Variants in WDR11 observed in about 807,000 individuals in gnomAD.
The protein encoded by WDR11 is WD repeat-containing protein 11.
Under a neutral mutation model 151.2 loss-of-function variants are expected in WDR11, and 83 were observed. That is an observed-to-expected ratio of 0.55 (90% CI 0.46 to 0.66). The LOEUF (loss-of-function observed/expected upper bound fraction) is 0.66. WDR11 is among the 30% of genes least tolerant of loss of function. The pLI is 0.00. For synonymous variants in WDR11, 484 were observed against 533.1 expected (o/e 0.91, Z 1.27); for missense variants, 1,301 against 1,480.9 (o/e 0.88, Z 1.99).
chr10:120,875,981 T>TTC (rs1846766845), intron 11 of WDR11, among the ~76,000 whole-genome samples: 2 of 146,462 alleles, frequency 1.4e-5, no homozygotes, highest in Admixed American at 1.4e-4. Context: ...TTTTTTTCTT[T>TTC]TTTTTTTTTT....
chr10:120,882,543 TG>T lies in WDR11; in HGVS notation c.1740-1236del, dbSNP rs1480338388. On this transcript the variant is annotated intron_variant, in intron 13 of 28. Coordinates refer to ENST00000263461, the MANE Select transcript of WDR11 (RefSeq NM_018117.12). ...AAGTTTTTAAATACAAATTCAGTTT[TG>T]TTTTTTTTTTTCATAAATATAGGAC... is the stretch of plus-strand genomic sequence containing the variant. Among the ~76,000 whole-genome samples, 10 of 124,314 alleles carry T rather than the reference TG, an allele frequency of 8.0e-5. No individual in the cohort carries two copies. The East Asian group carries it at 2.0e-3, about 24-fold the overall frequency. The allele number at this position is 124,314 out of a possible 152,430, so 81.6% of individuals were successfully genotyped here.
Position 120,889,893 on chromosome 10 carries a change from A to G in WDR11, c.2229-2A>G. On this transcript the variant is annotated splice_acceptor_variant, in intron 17 of 28. Coordinates refer to ENST00000263461, the MANE Select transcript of WDR11 (RefSeq NM_018117.12). LOFTEE classifies it high-confidence loss of function. The stretch of plus-strand genomic sequence containing the variant: ...TTGATGTTTTTGTTTCTTTGTCTTC[A>G]GAGGAATACCCACACACCGAAGTTG... The G allele has an allele frequency of 1.2e-6, 2 of 1,609,726 alleles. No individual in the cohort carries two copies. The highest frequency in any genetic ancestry group is 1.7e-6 in the Non-Finnish European group (2 of 1,176,054).
chr10:120,870,385 T>C (rs1331942575), intron 9 of WDR11, among the ~76,000 whole-genome samples: 2 of 152,198 alleles, frequency 1.3e-5, no homozygotes, highest in Non-Finnish European at 2.9e-5. Context: ...CCCAATATTC[T>C]GTAGTGGTTT....
At position 120,908,690 on chromosome 10, in the gene WDR11, A is replaced by AAGGAAGAACCCATTGAAGAGTG; in HGVS notation, c.3654_3675dup. ...CTTATTGAATGAGCTTGAGTCCCCC[A>AAGGAAGAACCCATTGAAGAGTG]AGGAAGAACCCATTGAAGAGTGACA... is the stretch of plus-strand genomic sequence containing the variant. On this transcript the variant is annotated stop_gained and frameshift_variant, in exon 29 of 29. Coordinates refer to ENST00000263461, the MANE Select transcript of WDR11 (RefSeq NM_018117.12). LOFTEE classifies it high-confidence loss of function. 6.2e-7 allele frequency: 1 copy of AAGGAAGAACCCATTGAAGAGTG among 1,614,186 alleles called. No homozygotes were observed. The highest frequency in any genetic ancestry group is 2.2e-5 in the East Asian group (1 of 44,880).
At chr10:120,880,621 T>G (rs746124372) in intron 12 of WDR11, 51 of 513,032 alleles carry the variant, frequency 9.9e-5, no homozygotes, top group Non-Finnish European at 1.7e-4. Flanking sequence ...ATTGCGCCAT[T>G]GCACTCCAGC....
Position 120,904,033 on chromosome 10 carries a change from T to C in WDR11, c.2932-14T>C. 1 of 1,579,250 alleles carries C rather than the reference T, an allele frequency of 6.3e-7. No homozygotes were observed. Among genetic ancestry groups the C allele is most frequent in the Non-Finnish European group, 8.7e-7 (1 of 1,149,630 alleles). On this transcript the variant is annotated splice_polypyrimidine_tract_variant and intron_variant, in intron 23 of 28. Transcript: ENST00000263461. ...ATAATCCAGGCTTAATTTTTCTTTT[T>C]TTTCCAATTCTAGAAATTTCAGCTA...
chr10:120,851,923 G>T, intron 1 of WDR11: 1 of 275,314 alleles, frequency 3.6e-6, no homozygotes, highest in South Asian at 4.0e-5. Flanking sequence ...CAGACCCTGT[G>T]CTAGGCGCCT....
rs61761619 is a variant in WDR11 at position 120,878,412 on chromosome 10, A to G, written c.1616A>G (p.Asn539Ser). ...TCTTTTGCTACCTCAACACCAAACA[A>G]TATGGGATTAGTGAGAAATGAACTT... ...FLSFATSTPNNMGLVRNELQL... is the reference protein window; with the variant it reads ...FLSFATSTPNSMGLVRNELQL... Residue 539 changes from asparagine (N) to serine (S), a missense_variant, in exon 12 of 29, where the codon AAT becomes AGT. Asn to Ser is a conservative substitution (Grantham distance 46). Coordinates refer to ENST00000263461, the MANE Select transcript of WDR11 (RefSeq NM_018117.12). 8 of 1,613,204 alleles carry G rather than the reference A, an allele frequency of 5.0e-6. No homozygotes were observed. Among genetic ancestry groups the G allele is most frequent in the Non-Finnish European group, 6.8e-6 (8 of 1,179,564 alleles).
intron 2 of WDR11, among the ~76,000 whole-genome samples, chr10:120,854,860 G>A (rs1024578351): frequency 1.3e-5 from 2 of 152,080 alleles, no homozygotes; most frequent in African/African-American, 2.4e-5. Flanking sequence ...TTTTATAATT[G>A]AGTCGTAAGA....
At chr10:120,869,619 G>A (rs1846456095) in intron 9 of WDR11, among the ~76,000 whole-genome samples, 1 of 152,010 alleles carries the variant, frequency 6.6e-6, no homozygotes, top group African/African-American at 2.4e-5. Context: ...ATATTCACTG[G>A]ATAAATGCTG....
At chr10:120,871,872 A>G (rs1846556228) in intron 10 of WDR11, among the ~76,000 whole-genome samples, 1 of 152,182 alleles carries the variant, frequency 6.6e-6, no homozygotes, top group Admixed American at 6.5e-5. Context: ...ATAGGTAGAA[A>G]AATTTATCTG....
chr10:120,908,956 A>G lies in WDR11; in HGVS notation c.*243A>G, dbSNP rs539267206. ...AGATTTTGAAAGTACATAATATTTT[A>G]TACTTTGGGAGAGAGCTTTAAGAGT... is the stretch of plus-strand genomic sequence containing the variant. On this transcript the variant is annotated 3_prime_UTR_variant, in exon 29 of 29. Coordinates refer to ENST00000263461, the MANE Select transcript of WDR11 (RefSeq NM_018117.12). 132 of 530,966 alleles carry G rather than the reference A, an allele frequency of 2.5e-4. No homozygotes were observed. Among genetic ancestry groups the G allele is most frequent in the African/African-American group, 2.1e-3 (113 of 52,660 alleles). 32.9% of individuals were successfully genotyped at this position (530,966 alleles called of 1,614,324 possible).
At position 120,900,113 on chromosome 10, in the gene WDR11, A is replaced by G. The variant is rs199965409; in HGVS notation, c.2600A>G (p.Gln867Arg). 2.5e-4 allele frequency: 411 copies of G among 1,613,744 alleles called. 3 individuals are homozygous for G. The highest frequency in any genetic ancestry group is 3.6e-5 in the Non-Finnish European group (43 of 1,179,644). The change falls in exon 20 of 29, where the codon CAG (glutamine) becomes CGG (arginine). Residue 867 changes from glutamine (Q) to arginine (R), a missense_variant. Gln to Arg is a conservative substitution (Grantham distance 43). Around this residue, in one of 3 missense-constraint regions of WDR11, gnomAD observed 589 missense variants for 670.6 expected, o/e 0.88. Transcript: ENST00000263461. The part of the protein sequence containing the change: ...AFLLHQPWNG[Q>R]YSLDISHVDY... ...TTATTACACCAGCCTTGGAATGGAC[A>G]GTATTCTTTGGACATTTCTCATGTG...
intron 28 of WDR11, chr10:120,908,213 A>C: frequency 3.1e-6 from 1 of 324,994 alleles, no homozygotes; most frequent in Non-Finnish European, 6.0e-6. Flanking sequence ...TGGAATGAGG[A>C]TATGCAGGTT....
chr10:120,865,633 ATACCC>A lies in WDR11; in HGVS notation c.885_889del (p.Ile295MetfsTer5), dbSNP rs779942278. On this transcript the variant is annotated frameshift_variant, in exon 7 of 29. Coordinates refer to ENST00000263461, the MANE Select transcript of WDR11 (RefSeq NM_018117.12). LOFTEE classifies it high-confidence loss of function. ...TAAATATATCATCTATTTAAAGGTA[ATACCC>A]TGCTTTCAGCGTGATGGTTTATTTT... 1.2e-6 allele frequency: 2 copies of A among 1,601,394 alleles called. No individual in the cohort carries two copies. The highest frequency in any genetic ancestry group is 4.5e-4 in the Middle Eastern group (2 of 4,430).
At chr10:120,875,497 T>C (rs988930083) in intron 11 of WDR11, among the ~76,000 whole-genome samples, 1 of 152,200 alleles carries the variant, frequency 6.6e-6, no homozygotes, top group Non-Finnish European at 1.5e-5. Flanking sequence ...ATATAAAATA[T>C]GAATTTCCAC....
At chr10:120,874,203 TTGTTGTTTG>T (rs1394945814) in intron 11 of WDR11, among the ~76,000 whole-genome samples, 5 of 87,092 alleles carry the variant, frequency 5.7e-5, no homozygotes, top group Admixed American at 4.4e-4. Flanking sequence ...GTTGTTGTTG[TTGTTGTTTG>T]TTTTGTTTTG....
chr10:120,874,190 T>TTTTTTTG lies in WDR11; in HGVS notation c.1556+269_1556+270insTTTTGTT, dbSNP rs796119460. Among the ~76,000 whole-genome samples, 82 of 105,108 alleles carry TTTTTTTG rather than the reference T, an allele frequency of 7.8e-4. 2 individuals carry two copies. Among genetic ancestry groups the TTTTTTTG allele is most frequent in the Admixed American group, 7.5e-3 (67 of 8,948 alleles). 69.0% of individuals were successfully genotyped at this position (105,108 alleles called of 152,430 possible). ...CGGTTTTTGCAGTTTTTTTTTTTTT[T>TTTTTTTG]TTGTTGTTGTTGTTGTTGTTTGTTT... On this transcript the variant is annotated intron_variant, in intron 11 of 28. Coordinates refer to ENST00000263461, the MANE Select transcript of WDR11 (RefSeq NM_018117.12).
chr10:120,906,727 C>T, intron 27 of WDR11, 49 bp from the exon 28 acceptor site: 1 of 1,613,758 alleles, frequency 6.2e-7, no homozygotes, highest in Non-Finnish European at 8.5e-7. Flanking sequence ...TGCTGCCCAC[C>T]AGTGATGTAA....
Sources: allele counts gnomAD v4.1 joint callset (sites outside exome capture counted in the v4.1 genomes callset), GRCh38; gene constraint gnomAD v4.1.1; regional missense constraint gnomAD v4.1.1; transcripts MANE v1.5; gene names NCBI Gene and HGNC (gene_info 2026-07-23, HGNC 2026-07-21).